Variants in ZNF292 observed in about 807,000 individuals in gnomAD.
ZNF292 encodes zinc finger protein 292.
A neutral mutation model predicts 217.9 loss-of-function variants in ZNF292; 26 were observed. That is an observed-to-expected ratio of 0.12 (90% CI 0.09 to 0.17). The LOEUF (loss-of-function observed/expected upper bound fraction) is 0.17. Ranked by LOEUF, ZNF292 falls within the 10% of genes least tolerant of loss-of-function variation. The pLI is 1.00. For synonymous variants in ZNF292, 1,257 were observed against 1,124.1 expected (o/e 1.12, Z -2.37); for missense variants, 2,904 against 3,175.2 (o/e 0.91, Z 2.05).
chr6:87,174,821 G>C (rs1771229275), intron 1 of ZNF292, among the ~76,000 whole-genome samples: 1 of 152,148 alleles, frequency 6.6e-6, no homozygotes, highest in South Asian at 2.1e-4. Context: ...TACTTTATCA[G>C]AGGAACAATA....
chr6:87,244,168 T>G (rs1774452278), intron 6 of ZNF292, among the ~76,000 whole-genome samples: 1 of 152,144 alleles, frequency 6.6e-6, no homozygotes, highest in South Asian at 2.1e-4. Flanking sequence ...ATTCCAACAT[T>G]TAAGAATATT....
chr6:87,195,183 A>G (rs1771919819), intron 1 of ZNF292, among the ~76,000 whole-genome samples: 1 of 152,230 alleles, frequency 6.6e-6, no homozygotes, highest in Non-Finnish European at 1.5e-5. Context: ...AAGACAAAGT[A>G]AAATGTTGAA....
chr6:87,235,911 C>CAT lies in ZNF292; in HGVS notation c.741+2390_741+2391dup, dbSNP rs1773883295. 3.3e-5 allele frequency among the ~76,000 whole-genome samples: 5 copies of CAT among 152,184 alleles called. No homozygotes were observed. The South Asian group carries it at 1.0e-3, about 32-fold the overall frequency. ...AAGTCTACACTTACATAGCACTACA[C>CAT]ATATATAGTAACATTACTTTGTTAA... is the stretch of plus-strand genomic sequence containing the variant. On this transcript the variant is annotated intron_variant, in intron 5 of 7. Transcript: ENST00000369577.
chr6:87,187,057 G>A (rs544892869), intron 1 of ZNF292, among the ~76,000 whole-genome samples: 1 of 152,210 alleles, frequency 6.6e-6, no homozygotes, highest in East Asian at 1.9e-4. Context: ...AATATTATAT[G>A]AGCTAGTAAA....
Position 87,227,830 on chromosome 6 carries a change from T to C in ZNF292, c.539-5495T>C, listed in dbSNP as rs1773433994. ...ATATGTTTATACCACATTTTGTTTA[T>C]TTATTTATCTGTCGTAGTTGGACAT... On this transcript the variant is annotated intron_variant, in intron 4 of 7. Coordinates refer to ENST00000369577, the MANE Select transcript of ZNF292 (RefSeq NM_015021.3). Among the ~76,000 whole-genome samples, 2 of 152,236 alleles carry C rather than the reference T, an allele frequency of 1.3e-5. 1 individual carries two copies. Among genetic ancestry groups the C allele is most frequent in the South Asian group, 4.1e-4 (2 of 4,836 alleles).
intron 1 of ZNF292, among the ~76,000 whole-genome samples, chr6:87,160,406 G>A (rs537106331): frequency 1.3e-5 from 2 of 152,106 alleles, no homozygotes; most frequent in African/African-American, 2.4e-5. Flanking sequence ...GATCAGTAGT[G>A]ATCTGGTGGC....
chr6:87,229,096 G>A (rs925101437), intron 4 of ZNF292, among the ~76,000 whole-genome samples: 11 of 152,060 alleles, frequency 7.2e-5, no homozygotes, highest in African/African-American at 2.4e-4. Context: ...TTTTAACAAT[G>A]TTTTATAATC....
chr6:87,167,634 G>A (rs981884797), intron 1 of ZNF292, among the ~76,000 whole-genome samples: 6 of 152,100 alleles, frequency 3.9e-5, no homozygotes, highest in Non-Finnish European at 8.8e-5. Context: ...AGAATGAAAC[G>A]AAACGCTGTC....
At chr6:87,239,827 A>G (rs1156845610) in intron 5 of ZNF292, among the ~76,000 whole-genome samples, 5 of 150,774 alleles carry the variant, frequency 3.3e-5, no homozygotes, top group African/African-American at 9.8e-5. Context: ...CACTTCCTAG[A>G]CGGGATGGCG....
chr6:87,260,956 G>C lies in ZNF292; in HGVS notation c.7327G>C (p.Gly2443Arg). The change falls in exon 8 of 8, where the codon GGT becomes CGT. Residue 2443 changes from glycine (G) to arginine (R), a missense_variant. Physicochemically the swap from Gly to Arg is moderately radical, Grantham distance 125 (BLOSUM62 -2). Around this residue, in one of 15 missense-constraint regions of ZNF292, gnomAD observed 380 missense variants for 355.3 expected, o/e 1.07. Coordinates refer to ENST00000369577, the MANE Select transcript of ZNF292 (RefSeq NM_015021.3). ...AGTAAAGGAAACGTCTGAGCAAGAA[G>C]GTGCTAAGAATGATGTGAAAGATTC... ...SQVKETSEQEGAKNDVKDSDT... is the reference protein window; with the variant it reads ...SQVKETSEQERAKNDVKDSDT... 2.5e-6 allele frequency: 4 copies of C among 1,610,326 alleles called. No individual in the cohort carries two copies. Among genetic ancestry groups the C allele is most frequent in the Non-Finnish European group, 3.4e-6 (4 of 1,178,088 alleles).
Position 87,182,421 on chromosome 6 carries a change from T to G in ZNF292, c.168+26662T>G, listed in dbSNP as rs554226839. The stretch of plus-strand genomic sequence containing the variant: ...TGAGTAAATTAGCAAATGACAGTCA[T>G]GTAAATTATCTTTTAAAAATTTCCC... On this transcript the variant is annotated intron_variant, in intron 1 of 7. Coordinates refer to ENST00000369577, the MANE Select transcript of ZNF292 (RefSeq NM_015021.3). Among the ~76,000 whole-genome samples, 119 of 152,350 alleles carry G rather than the reference T, an allele frequency of 7.8e-4. No individual in the cohort carries two copies. The South Asian group carries it at 9.9e-3, about 13-fold the overall frequency.
At position 87,256,762 on chromosome 6, in the gene ZNF292, A is replaced by G. The variant is rs779802306; in HGVS notation, c.3133A>G (p.Thr1045Ala). 3.7e-6 allele frequency: 6 copies of G among 1,612,584 alleles called. No homozygotes were observed. The East Asian group carries it at 1.1e-4, about 30-fold the overall frequency. Residue 1045 changes from threonine to alanine, a missense_variant, in exon 8 of 8, where the codon ACT becomes GCT. Physicochemically the swap from Thr to Ala is moderately conservative, Grantham distance 58. Coordinates refer to ENST00000369577, the MANE Select transcript of ZNF292 (RefSeq NM_015021.3). ...NQAAFQNNLPTSKFECGDNVK... is the reference protein window; with the variant it reads ...NQAAFQNNLPASKFECGDNVK... Reference sequence around the variant, plus strand: ...GGCAGCATTTCAAAACAATTTACCAACTTCCAAATTTGAATGTGGAGATAA... The same window carrying G: ...GGCAGCATTTCAAAACAATTTACCAGCTTCCAAATTTGAATGTGGAGATAA...
intron 1 of ZNF292, among the ~76,000 whole-genome samples, chr6:87,201,643 A>G (rs1772102024): frequency 6.6e-6 from 1 of 152,150 alleles, no homozygotes; most frequent in African/African-American, 2.4e-5. Flanking sequence ...ACCTCAAGTG[A>G]TCCGCCCACC....
intron 1 of ZNF292, among the ~76,000 whole-genome samples, chr6:87,194,936 A>C (rs1421788947): frequency 6.6e-6 from 1 of 152,158 alleles, no homozygotes; most frequent in Non-Finnish European, 1.5e-5. Context: ...TCATTTGAAA[A>C]AAAAAAACCT....
chr6:87,168,657 A>G (rs1770992800), intron 1 of ZNF292, among the ~76,000 whole-genome samples: 2 of 152,026 alleles, frequency 1.3e-5, no homozygotes, highest in South Asian at 4.1e-4. Context: ...TTTAGTGGAG[A>G]CGGAGTTTCA....
rs972217558 is a variant in ZNF292 at position 87,192,311 on chromosome 6, T to C, written c.169-23592T>C. On this transcript the variant is annotated intron_variant, in intron 1 of 7. Transcript: ENST00000369577. ...CTTTCTAGAGCTACTGGAACAATTC[T>C]GTTACTTTAAAAAGTGAATATAAAT... Among the ~76,000 whole-genome samples the C allele has an allele frequency of 2.0e-5, 3 of 152,144 alleles. No individual in the cohort carries two copies. In the East Asian group the frequency reaches 5.8e-4, roughly 29 times the overall value.
At chr6:87,242,596 C>T (rs1344912166) in intron 5 of ZNF292, among the ~76,000 whole-genome samples, 1 of 152,096 alleles carries the variant, frequency 6.6e-6, no homozygotes, top group Non-Finnish European at 1.5e-5. Context: ...TCTGTTTTGT[C>T]TTCAGTTCTT....
intron 1 of ZNF292, among the ~76,000 whole-genome samples, chr6:87,205,560 T>C (rs149459109): frequency 1.6e-4 from 24 of 152,240 alleles, no homozygotes; most frequent in African/African-American, 5.8e-4. Context: ...TATTTTCAGA[T>C]AAGATGATTC....
chr6:87,179,234 A>G (rs1439332750), intron 1 of ZNF292, among the ~76,000 whole-genome samples: 4 of 139,038 alleles, frequency 2.9e-5, no homozygotes, highest in Non-Finnish European at 4.5e-5. Flanking sequence ...ATCTCAGCTC[A>G]CTGCAACCTC....
Sources: gnomAD v4.1 joint callset for allele counts (sites outside exome capture counted in the v4.1 genomes callset) on GRCh38, gnomAD v4.1.1 for gene constraint, gnomAD v4.1.1 regional missense constraint, MANE v1.5 for transcripts, NCBI Gene and HGNC (gene_info 2026-07-23, HGNC 2026-07-21) for gene names.